The following SNX24 variants were observed in gnomAD, a reference collection of about 807,000 sequenced individuals.
SNX24 encodes sorting nexin 24, also known as sorting nexin-24.
SNX24 carries 22 observed loss-of-function variants against 28.7 expected under a neutral mutation model. The observed-to-expected ratio is 0.77, with a 90% confidence interval of 0.55 to 1.10. SNX24 has a LOEUF of 1.10. SNX24 is among the 50% of genes least tolerant of loss of function. SNX24 has a pLI of 0.00. For missense variants in SNX24, 221 were observed against 201.1 expected (o/e 1.10, Z -0.60); for synonymous variants, 69 against 71.5 (o/e 0.96, Z 0.18).
chr5:122,882,995 G>T (rs1446154216), intron 1 of SNX24, among the ~76,000 whole-genome samples: 2 of 152,134 alleles, frequency 1.3e-5, no homozygotes, highest in Admixed American at 6.6e-5. Context: ...GGGTGGAGCA[G>T]ATCAAGGGAA....
downstream of SNX24, among the ~76,000 whole-genome samples, chr5:123,011,507 G>C (rs1473040160): frequency 6.9e-6 from 1 of 144,978 alleles, no homozygotes; most frequent in East Asian, 1.9e-4. Flanking sequence ...AAGAAGTTGA[G>C]CTCTCTTAAT....
downstream of SNX24, among the ~76,000 whole-genome samples, chr5:123,010,991 G>T (rs922101275): frequency 6.6e-6 from 1 of 151,434 alleles, no homozygotes; most frequent in Non-Finnish European, 1.5e-5. Flanking sequence ...TTTACTTTTC[G>T]ATTTCACTAG....
intron 1 of SNX24, among the ~76,000 whole-genome samples, chr5:122,887,540 C>G (rs1756772709): frequency 6.6e-6 from 1 of 152,158 alleles, no homozygotes. Flanking sequence ...TCTTCTCAAT[C>G]TAGCCTTTAT....
At chr5:122,912,714 C>T (rs1757943875) in intron 1 of SNX24, among the ~76,000 whole-genome samples, 1 of 145,632 alleles carries the variant, frequency 6.9e-6, no homozygotes, top group South Asian at 2.2e-4. Context: ...TTTTCTGCAT[C>T]TATTGAGATA....
At chr5:122,974,810 A>G (rs1173104660) in intron 3 of SNX24, among the ~76,000 whole-genome samples, 2 of 152,230 alleles carry the variant, frequency 1.3e-5, no homozygotes, top group Non-Finnish European at 2.9e-5. Flanking sequence ...TTTTCTAGGT[A>G]GAGGCAGCTC....
In SNX24 at chr5:122,885,982, C is replaced by T. The variant is rs114818927; in HGVS notation, c.60+40289C>T. 7.6e-3 allele frequency among the ~76,000 whole-genome samples: 745 copies of T among 97,558 alleles called. 3 individuals are homozygous for T. Among genetic ancestry groups the T allele is most frequent in the African/African-American group, 0.036 (716 of 20,124 alleles). 64.0% of individuals were successfully genotyped at this position (97,558 alleles called of 152,430 possible). A position where few individuals can be genotyped will look rare whatever the true frequency, so the allele number is the denominator to read the frequency against. Reference sequence around the variant, plus strand: ...TGAGAATCTAATGCCCCCGCTGATCCGACCTGCTGTGTGGCTGGTTCCTAA... The same window carrying T: ...TGAGAATCTAATGCCCCCGCTGATCTGACCTGCTGTGTGGCTGGTTCCTAA... On this transcript the variant is annotated intron_variant, in intron 1 of 6. Coordinates refer to ENST00000261369, the MANE Select transcript of SNX24 (RefSeq NM_014035.4).
At chr5:122,883,797 G>T (rs1027110033) in intron 1 of SNX24, among the ~76,000 whole-genome samples, 1 of 152,032 alleles carries the variant, frequency 6.6e-6, no homozygotes, top group Admixed American at 6.6e-5. Context: ...CTGCAGGCAC[G>T]CATGCGCCAC....
rs1358754651 is a variant in SNX24 at position 122,936,778 on chromosome 5, TGAAAA to T, written c.108_112del (p.Lys37IlefsTer12). 3.1e-6 allele frequency: 5 copies of T among 1,608,964 alleles called. No individual in the cohort carries two copies. The highest frequency in any genetic ancestry group is 3.4e-6 in the Non-Finnish European group (4 of 1,176,422). On this transcript the variant is annotated frameshift_variant, in exon 2 of 7. Transcript: ENST00000261369. LOFTEE classifies it high-confidence loss of function. ...TAATGAATGGAAGAAAACATTTTGT[TGAAAA>T]GAGATACAGCGAATTTCATGCTTTG...
At chr5:122,874,543 T>C (rs1214887455) in intron 1 of SNX24, among the ~76,000 whole-genome samples, 4 of 152,226 alleles carry the variant, frequency 2.6e-5, no homozygotes, top group Non-Finnish European at 4.4e-5. Context: ...AGTAGGAACA[T>C]TGATGTGTAT....
chr5:122,904,120 G>T (rs1757548663), intron 1 of SNX24, among the ~76,000 whole-genome samples: 1 of 151,994 alleles, frequency 6.6e-6, no homozygotes, highest in East Asian at 1.9e-4. Flanking sequence ...AGCAAGAGAA[G>T]CTTGAGAATG....
intron 3 of SNX24, among the ~76,000 whole-genome samples, chr5:122,958,590 C>G (rs1760321828): frequency 6.6e-6 from 1 of 151,906 alleles, no homozygotes; most frequent in African/African-American, 2.4e-5. Context: ...ATTAGATGAT[C>G]ATGTGGTTTG....
At chr5:122,874,364 G>T (rs1342339160) in intron 1 of SNX24, among the ~76,000 whole-genome samples, 2 of 152,196 alleles carry the variant, frequency 1.3e-5, no homozygotes, top group Middle Eastern at 3.2e-3. Context: ...ACAACCTTGG[G>T]TTGGTCCCTG....
intron 4 of SNX24, among the ~76,000 whole-genome samples, chr5:123,000,587 C>T (rs919234522): frequency 6.6e-6 from 1 of 152,178 alleles, no homozygotes; most frequent in African/African-American, 2.4e-5. Flanking sequence ...AAATCCTAAT[C>T]CCTATCTATT....
intron 5 of SNX24, among the ~76,000 whole-genome samples, chr5:123,017,006 G>A (rs1485531323): frequency 6.6e-6 from 1 of 152,002 alleles, no homozygotes. Context: ...TCCCACCATG[G>A]TGACAGATTT....
Position 122,845,638 on chromosome 5 carries a change from A to C in SNX24, c.5A>C (p.Glu2Ala), listed in dbSNP as rs747203757. The C allele has an allele frequency of 7.1e-7, 1 of 1,416,076 alleles. No individual in the cohort carries two copies. The highest frequency in any genetic ancestry group is 9.3e-7 in the Non-Finnish European group (1 of 1,076,178). 87.7% of individuals were successfully genotyped at this position (1,416,076 alleles called of 1,614,324 possible). The change falls in exon 1 of 7, where the codon GAG becomes GCG. Residue 2 changes from glutamate to alanine, a missense_variant. By Grantham distance (107) the Glu-to-Ala change is moderately radical. Coordinates refer to ENST00000261369, the MANE Select transcript of SNX24 (RefSeq NM_014035.4). ...AGCCGGCTGGCCGGCGCGGCCATGG[A>C]GGTCTACATCCCGTCCTTTCGCTAT... MEVYIPSFRYEE... is the reference protein window; with the variant it reads MAVYIPSFRYEE...
At chr5:122,948,071 A>G (rs1357680685) in intron 3 of SNX24, among the ~76,000 whole-genome samples, 1 of 152,204 alleles carries the variant, frequency 6.6e-6, no homozygotes, top group Non-Finnish European at 1.5e-5. Context: ...TGTGCATTTA[A>G]TAGTCAATTT....
Position 122,845,659 on chromosome 5 carries a change from G to C in SNX24, c.26G>C (p.Arg9Pro). The change falls in exon 1 of 7, where the codon CGC becomes CCC. Residue 9 changes from arginine (R) to proline (P), a missense_variant. Arg to Pro is a moderately radical substitution (Grantham distance 103). Transcript: ENST00000261369. ...ATGGAGGTCTACATCCCGTCCTTTC[G>C]CTATGAAGAGAGCGACCTGGAGCGG... MEVYIPSF[R>P]YEESDLERGY... 1 of 1,429,620 alleles carries C rather than the reference G, an allele frequency of 7.0e-7. No homozygotes were observed. Among genetic ancestry groups the C allele is most frequent in the Non-Finnish European group, 9.2e-7 (1 of 1,082,204 alleles). 88.6% of individuals were successfully genotyped at this position (1,429,620 alleles called of 1,614,324 possible). A position where few individuals can be genotyped will look rare whatever the true frequency, so the allele number is the denominator to read the frequency against.
intron 3 of SNX24, among the ~76,000 whole-genome samples, chr5:122,994,930 C>T (rs74814114): frequency 0.024 from 3,704 of 152,168 alleles, 135 homozygotes; most frequent in African/African-American, 0.071. Flanking sequence ...GTAGTAATAT[C>T]GAAGTGAGTC....
At chr5:122,982,095 G>T (rs2150157157) in intron 3 of SNX24, among the ~76,000 whole-genome samples, 1 of 152,336 alleles carries the variant, frequency 6.6e-6, no homozygotes, top group South Asian at 2.1e-4. Flanking sequence ...ATGACTGGTA[G>T]ATAATAGAAG....
Sources: allele counts gnomAD v4.1 joint callset (sites outside exome capture counted in the v4.1 genomes callset), GRCh38; gene constraint gnomAD v4.1.1; transcripts MANE v1.5; gene names NCBI Gene and HGNC (gene_info 2026-07-23, HGNC 2026-07-21).